CCDC73: variants seen among roughly 807,000 people sequenced by gnomAD.
CCDC73 encodes the protein coiled-coil domain-containing protein 73.
Under a neutral mutation model 116.5 loss-of-function variants are expected in CCDC73, and 95 were observed. The ratio of observed to expected loss-of-function variants is 0.82; its 90% confidence interval spans 0.69 to 0.97. The LOEUF is 0.97. CCDC73 is among the 50% of genes least tolerant of loss of function. CCDC73 has a pLI of 0.00. For missense variants in CCDC73, 1,066 were observed against 1,206.8 expected, an observed-to-expected ratio of 0.88 and a Z score of 1.73; for synonymous variants, 398 against 401.3, an observed-to-expected ratio of 0.99 and a Z score of 0.10.
chr11:32,682,605 G>A (rs1856157640), intron 7 of CCDC73: 1 of 151,724 alleles, frequency 6.6e-6, no homozygotes, highest in Non-Finnish European at 1.5e-5. Flanking sequence ...TTGCTTTACA[G>A]TCTGCTCCAA....
chr11:32,765,803 A>G (rs545812086), intron 1 of CCDC73, among the ~76,000 whole-genome samples: 1 of 152,234 alleles, frequency 6.6e-6, no homozygotes, highest in Non-Finnish European at 1.5e-5. Context: ...TCTGAAATTG[A>G]GGCAATAATT....
chr11:32,750,112 C>T (rs929578125), intron 2 of CCDC73, among the ~76,000 whole-genome samples: 2 of 152,154 alleles, frequency 1.3e-5, no homozygotes, highest in African/African-American at 4.8e-5. Flanking sequence ...CCTCGTGATC[C>T]GCCTGCCTCA....
intron 2 of CCDC73, among the ~76,000 whole-genome samples, chr11:32,732,423 C>T (rs937069662): frequency 1.3e-5 from 2 of 152,020 alleles, no homozygotes; most frequent in African/African-American, 4.8e-5. Flanking sequence ...GAGAACACCA[C>T]AAAGATACTC....
the CCDC73 span, among the ~76,000 whole-genome samples, chr11:32,814,648 AC>A: frequency 6.6e-6 from 1 of 152,200 alleles, no homozygotes; most frequent in South Asian, 2.1e-4. Flanking sequence ...ACACAGAGTT[AC>A]CATATGACCT....
chr11:32,626,733 C>G (rs1320353860), intron 14 of CCDC73, among the ~76,000 whole-genome samples: 1 of 152,184 alleles, frequency 6.6e-6, no homozygotes, highest in East Asian at 1.9e-4. Flanking sequence ...AAAGGATTCC[C>G]TATTTAATAA....
At chr11:32,791,641 T>C (rs1850677546) in intron 1 of CCDC73, among the ~76,000 whole-genome samples, 1 of 152,126 alleles carries the variant, frequency 6.6e-6, no homozygotes, top group Admixed American at 6.6e-5. Flanking sequence ...TTGTAAAGAA[T>C]AATTTCCCAA....
At chr11:32,830,344 G>A in the CCDC73 span, among the ~76,000 whole-genome samples, 2 of 152,224 alleles carry the variant, frequency 1.3e-5, no homozygotes, top group African/African-American at 4.8e-5. Flanking sequence ...CGCTCTCAGG[G>A]GCTGCTTCCT....
chr11:32,670,145 C>T (rs1856022444), intron 9 of CCDC73, among the ~76,000 whole-genome samples: 1 of 152,140 alleles, frequency 6.6e-6, no homozygotes. Flanking sequence ...GCAATAATTC[C>T]TTGCAATTTT....
chr11:32,675,805 G>A, intron 8 of CCDC73, 81 bp downstream of exon 8: 1 of 1,271,744 alleles, frequency 7.9e-7, no homozygotes, highest in Non-Finnish European at 1.1e-6. Context: ...TATTATCATA[G>A]ATATTCAATG....
At position 32,642,051 on chromosome 11, in the gene CCDC73, T is replaced by A. The variant is rs763290135; in HGVS notation, c.971A>T (p.Glu324Val). 6.4e-7 allele frequency: 1 copy of A among 1,573,860 alleles called. No homozygotes were observed. The highest frequency in any genetic ancestry group is 8.6e-7 in the Non-Finnish European group (1 of 1,159,096). ...CTTTTCTTCATTTTCTTTTACCTTC[T>A]CCCTTTGCAGCTCATTATCTCTTTC... Reference protein sequence around the residue: ...TLERDNELQREKVKENEEKFL... With the variant: ...TLERDNELQRVKVKENEEKFL... The change falls in exon 13 of 18, where the codon GAG becomes GTG. Residue 324 changes from glutamate (E) to valine (V), a missense_variant. Physicochemically the swap from Glu to Val is moderately radical, Grantham distance 121 (BLOSUM62 -2). Transcript: ENST00000335185.
At chr11:32,817,114 A>G in the CCDC73 span, among the ~76,000 whole-genome samples, 1 of 152,212 alleles carries the variant, frequency 6.6e-6, no homozygotes, top group African/African-American at 2.4e-5. Context: ...TGAGTTCTCT[A>G]TGGTGAATGT....
intron 14 of CCDC73, among the ~76,000 whole-genome samples, chr11:32,616,949 G>A (rs1331054221): frequency 6.6e-6 from 1 of 152,150 alleles, no homozygotes; most frequent in Non-Finnish European, 1.5e-5. Flanking sequence ...CTTGGAGAAG[G>A]TGTTAGCTAA....
In CCDC73 at chr11:32,614,358, TA is replaced by T. The variant is rs775151529; in HGVS notation, c.1959del (p.Met654CysfsTer2). 4 of 1,611,892 alleles carry T rather than the reference TA, an allele frequency of 2.5e-6. No homozygotes were observed. The East Asian group carries it at 8.9e-5, about 36-fold the overall frequency. On this transcript the variant is annotated frameshift_variant, in exon 16 of 18. Transcript: ENST00000335185. LOFTEE classifies it high-confidence loss of function. ...QKYSLRNSSNVMLDDKQCKIK... is the reference protein window; with the variant it reads ...QKYSLRNSSNXMLDDKQCKIK... ...ATTTTACATTGTTTATCATCTAACA[TA>T]ACATTACTTGAATTCCGTAAACTAT...
At chr11:32,606,806 CTTTTTTTTTTT>C (rs10591021) in intron 17 of CCDC73, among the ~76,000 whole-genome samples, 2 of 101,052 alleles carry the variant, frequency 2.0e-5, no homozygotes, top group East Asian at 2.5e-4. Flanking sequence ...AAAATAAATT[CTTTTTTTTTTT>C]TTTTTTTTTT....
intron 1 of CCDC73, among the ~76,000 whole-genome samples, chr11:32,767,960 T>A (rs917479428): frequency 1.3e-5 from 2 of 152,194 alleles, no homozygotes; most frequent in African/African-American, 4.8e-5. Context: ...GACCCAGCCA[T>A]CCCACTACTG....
chr11:32,711,773 C>T (rs911369999), intron 3 of CCDC73, among the ~76,000 whole-genome samples: 1 of 152,092 alleles, frequency 6.6e-6, no homozygotes, highest in Non-Finnish European at 1.5e-5. Context: ...AAAACAAAAA[C>T]AAAAACTTTA....
intron 14 of CCDC73, among the ~76,000 whole-genome samples, chr11:32,634,956 G>GA (rs1164724927): frequency 2.6e-5 from 4 of 151,730 alleles, no homozygotes; most frequent in Non-Finnish European, 4.4e-5. Context: ...ACCTTGTCTT[G>GA]AAAAAAATGT....
At chr11:32,611,577 G>T (rs1855422741) in intron 16 of CCDC73, among the ~76,000 whole-genome samples, 1 of 151,952 alleles carries the variant, frequency 6.6e-6, no homozygotes, top group Non-Finnish European at 1.5e-5. Context: ...TATTCCCCTG[G>T]TTACTGTATT....
Position 32,635,766 on chromosome 11 carries a change from T to C in CCDC73, c.1115A>G (p.His372Arg). The C allele has an allele frequency of 7.8e-7, 1 of 1,275,440 alleles. No individual in the cohort carries two copies. The highest frequency in any genetic ancestry group is 1.0e-6 in the Non-Finnish European group (1 of 986,160). The allele number at this position is 1,275,440 out of a possible 1,614,324, so 79.0% of individuals were successfully genotyped here. The change falls in exon 14 of 18, where the codon CAT (histidine) becomes CGT (arginine). Residue 372 changes from histidine (H) to arginine (R), a missense_variant. By Grantham distance (29) the His-to-Arg change is conservative. Transcript: ENST00000335185. ...KNELSSLKET[H>R]IKLQEHYNKL... ...GTTATAATGTTCTTGTAACTTAATA[T>C]GAGTTTCTTTAAGGGATGATAATTC...
Sources: gnomAD v4.1 joint callset for allele counts (sites outside exome capture counted in the v4.1 genomes callset) on GRCh38, gnomAD v4.1.1 for gene constraint, MANE v1.5 for transcripts, NCBI Gene and HGNC (gene_info 2026-07-23, HGNC 2026-07-21) for gene names.